The following RIPOR2 variants were observed in gnomAD, a reference collection of about 807,000 sequenced individuals.
RIPOR2 encodes RHO family interacting cell polarization regulator 2.
RIPOR2 carries 39 observed loss-of-function variants against 114.5 expected under a neutral mutation model. The ratio of observed to expected loss-of-function variants is 0.34; its 90% CI spans 0.26 to 0.44. RIPOR2 has a LOEUF of 0.44. RIPOR2 is among the 20% of genes least tolerant of loss of function. The pLI is 1.00. For missense variants in RIPOR2, 1,007 were observed against 1,255.1 expected (o/e 0.80, Z 2.99); for synonymous variants, 445 against 484.4 (o/e 0.92, Z 1.07).
intron 1 of RIPOR2, among the ~76,000 whole-genome samples, chr6:24,972,920 T>C (rs1343351294): frequency 3.3e-5 from 5 of 152,244 alleles, no homozygotes; most frequent in Admixed American, 2.6e-4. Flanking sequence ...AATTTCTTTA[T>C]AGAAAACGTC....
At chr6:25,011,237 A>C (rs1349892001) in intron 1 of RIPOR2, among the ~76,000 whole-genome samples, 1 of 152,224 alleles carries the variant, frequency 6.6e-6, no homozygotes, top group Non-Finnish European at 1.5e-5. Flanking sequence ...AATTGGGTTT[A>C]TATATATGTC....
intron 19 of RIPOR2, 93 bp from the exon 20 acceptor site, chr6:24,818,718 C>T: frequency 1.6e-6 from 1 of 632,338 alleles, no homozygotes; most frequent in Non-Finnish European, 2.6e-6. Flanking sequence ...TAAACTATAG[C>T]ATATAACCTA....
At chr6:24,966,531 G>T (rs548319571) in intron 1 of RIPOR2, among the ~76,000 whole-genome samples, 25 of 152,322 alleles carry the variant, frequency 1.6e-4, no homozygotes, top group African/African-American at 5.1e-4. Context: ...TACACTTGAG[G>T]ATTATGAAAT....
chr6:24,899,830 A>C (rs1200164001), intron 1 of RIPOR2, among the ~76,000 whole-genome samples: 1 of 152,136 alleles, frequency 6.6e-6, no homozygotes. Flanking sequence ...AATCGTTTGC[A>C]AGAGGAAGGA....
At chr6:24,809,599 A>G in intron 21 of RIPOR2, 118 bp downstream of exon 21, 1 of 692,086 alleles carries the variant, frequency 1.4e-6, no homozygotes, top group African/African-American at 1.8e-5. Context: ...CAGCGGGGAA[A>G]CTGCTAAACA....
chr6:24,900,182 G>C (rs1209978793), intron 1 of RIPOR2, among the ~76,000 whole-genome samples: 1 of 152,136 alleles, frequency 6.6e-6, no homozygotes, highest in African/African-American at 2.4e-5. Flanking sequence ...CAGTTGCTGT[G>C]GGAACTGTGG....
intron 1 of RIPOR2, among the ~76,000 whole-genome samples, chr6:24,984,110 C>A (rs372507016): frequency 2.0e-5 from 3 of 152,154 alleles, no homozygotes; most frequent in African/African-American, 7.2e-5. Flanking sequence ...GTCAGCCCTG[C>A]ACTATTTACT....
At chr6:24,872,242 C>A (rs904725077) in intron 4 of RIPOR2, among the ~76,000 whole-genome samples, 2 of 152,192 alleles carry the variant, frequency 1.3e-5, no homozygotes, top group African/African-American at 4.8e-5. Context: ...ATAATATGTA[C>A]TTGATCTGGT....
intron 1 of RIPOR2, among the ~76,000 whole-genome samples, chr6:24,968,938 C>A (rs1773653119): frequency 6.6e-6 from 1 of 152,170 alleles, no homozygotes; most frequent in African/African-American, 2.4e-5. Flanking sequence ...AGAGGCAGTG[C>A]CTGTGACTCC....
At chr6:24,867,683 T>C (rs1655873448) in intron 6 of RIPOR2, among the ~76,000 whole-genome samples, 1 of 152,210 alleles carries the variant, frequency 6.6e-6, no homozygotes, top group African/African-American at 2.4e-5. Flanking sequence ...TGTTTTTGCT[T>C]AAATATCAAC....
In RIPOR2 at chr6:24,870,894, A is replaced by G. The variant is rs769687355; in HGVS notation, c.424-5T>C. On this transcript the variant is annotated splice_polypyrimidine_tract_variant and splice_region_variant and intron_variant, in intron 4 of 21. Coordinates refer to ENST00000643898, the MANE Select transcript of RIPOR2 (RefSeq NM_001286445.3). ...GTCTAGGTCATACAGTACACCCTAC[A>G]ATAAAAAAAGGAATATCTGCATTTA... 8.8e-6 allele frequency: 14 copies of G among 1,587,070 alleles called. No individual in the cohort carries two copies. Among genetic ancestry groups the G allele is most frequent in the East Asian group, 2.3e-5 (1 of 43,784 alleles).
At chr6:24,931,611 C>A (rs946190096) in intron 1 of RIPOR2, among the ~76,000 whole-genome samples, 3 of 152,234 alleles carry the variant, frequency 2.0e-5, no homozygotes, top group African/African-American at 7.2e-5. Flanking sequence ...TCTACCAGCT[C>A]TGGGGGACAT....
In RIPOR2 at chr6:24,959,568, G is replaced by A. The variant is rs182695835; in HGVS notation, c.76+82283C>T. The stretch of plus-strand genomic sequence containing the variant: ...GGTAAAGACAGCTGCAGGCTGTTGT[G>A]GGGACTCTCTCTCTCCTTGATTTTA... On this transcript the variant is annotated intron_variant, in intron 1 of 13. Transcript: ENST00000510784. 8.6e-3 allele frequency among the ~76,000 whole-genome samples: 1,302 copies of A among 151,924 alleles called. 39 individuals carry two copies. The highest frequency in any genetic ancestry group is 0.038 in the East Asian group (197 of 5,180).
chr6:25,002,167 A>T (rs1192005844), intron 1 of RIPOR2, among the ~76,000 whole-genome samples: 1 of 152,258 alleles, frequency 6.6e-6, no homozygotes, highest in African/African-American at 2.4e-5. Flanking sequence ...ATAGTGTGCC[A>T]ACCTTTTCCT....
intron 1 of RIPOR2, among the ~76,000 whole-genome samples, chr6:24,907,591 GAC>G (rs1769120254): frequency 6.6e-6 from 1 of 152,226 alleles, no homozygotes; most frequent in Admixed American, 6.5e-5. Context: ...GCAGAGAGGA[GAC>G]ACAGAAGAGG....
At chr6:24,862,333 C>T (rs1764144566) in intron 7 of RIPOR2, among the ~76,000 whole-genome samples, 1 of 152,190 alleles carries the variant, frequency 6.6e-6, no homozygotes, top group Admixed American at 6.5e-5. Flanking sequence ...TCCCACAAGG[C>T]TAGGGGTTCG....
At chr6:24,898,746 G>A (rs772311452) in intron 1 of RIPOR2, among the ~76,000 whole-genome samples, 9 of 152,112 alleles carry the variant, frequency 5.9e-5, no homozygotes, top group Non-Finnish European at 1.3e-4. Flanking sequence ...TATTTTGTAT[G>A]CCCATCTTTC....
chr6:25,036,424 C>T (rs76171427), intron 1 of RIPOR2, among the ~76,000 whole-genome samples: 5,733 of 152,114 alleles, frequency 0.038, 334 homozygotes, highest in African/African-American at 0.13. Flanking sequence ...ACAGCATTTG[C>T]GCTGTCACCT....
intron 1 of RIPOR2, chr6:24,932,063 A>C (rs1317704887): frequency 6.6e-6 from 1 of 152,252 alleles, no homozygotes; most frequent in Non-Finnish European, 1.5e-5. Context: ...CATTACCATT[A>C]TTACCCATCC....
Sources: allele counts gnomAD v4.1 joint callset (sites outside exome capture counted in the v4.1 genomes callset), GRCh38; gene constraint gnomAD v4.1.1; transcripts MANE v1.5; gene names NCBI Gene and HGNC (gene_info 2026-07-23, HGNC 2026-07-21).